ST7L: variants seen among roughly 807,000 people sequenced by gnomAD.
The protein encoded by ST7L is suppressor of tumorigenicity 7 protein-like.
A neutral mutation model predicts 72.5 loss-of-function variants in ST7L; 57 were observed. The ratio of observed to expected loss-of-function variants is 0.79; its 90% CI spans 0.64 to 0.98. The LOEUF is 0.98. ST7L is among the 50% of genes least tolerant of loss of function. The pLI is 0.00. For synonymous variants in ST7L, 221 were observed against 240.9 expected (o/e 0.92, Z 0.77); for missense variants, 576 against 672.2 (o/e 0.86, Z 1.58).
chr1:112,590,688 T>C (rs534784157), intron 6 of ST7L, among the ~76,000 whole-genome samples: 1 of 152,308 alleles, frequency 6.6e-6, no homozygotes, highest in South Asian at 2.1e-4. Flanking sequence ...AAATAGTAAG[T>C]TGCCTTGTGA....
intron 2 of ST7L, among the ~76,000 whole-genome samples, chr1:112,616,546 C>A (rs1181572179): frequency 3.3e-5 from 5 of 152,018 alleles, no homozygotes; most frequent in African/African-American, 4.8e-5. Flanking sequence ...AGTTGGAGAC[C>A]AGCCTGACCA....
intron 9 of ST7L, 103 bp downstream of exon 9, chr1:112,581,889 G>C (rs1664182370): frequency 3.6e-6 from 3 of 836,022 alleles, no homozygotes; most frequent in Non-Finnish European, 5.8e-6. Context: ...ATACTGACTG[G>C]TAAGAACAGA....
At chr1:112,541,839 T>C in intron 14 of ST7L, 112 bp downstream of exon 14, 1 of 1,480,504 alleles carries the variant, frequency 6.8e-7, no homozygotes, top group East Asian at 2.4e-5. Context: ...TCAATTCCTT[T>C]AATTTACAAC....
intron 11 of ST7L, among the ~76,000 whole-genome samples, chr1:112,572,898 T>A (rs564650048): frequency 4.6e-5 from 7 of 152,168 alleles, no homozygotes; most frequent in South Asian, 2.1e-4. Flanking sequence ...TCAAATTAAG[T>A]TGAAGGAAGG....
chr1:112,595,304 G>A (rs1485373505), intron 5 of ST7L, among the ~76,000 whole-genome samples: 1 of 142,738 alleles, frequency 7.0e-6, no homozygotes, highest in Non-Finnish European at 1.5e-5. Flanking sequence ...GGTGGAGGTT[G>A]TGGTGAGCCG....
At chr1:112,538,682 AT>A (rs1252300168) in intron 14 of ST7L, among the ~76,000 whole-genome samples, 7 of 152,138 alleles carry the variant, frequency 4.6e-5, no homozygotes, top group African/African-American at 1.7e-4. Context: ...CCCAATCACC[AT>A]TTATACTACA....
chr1:112,584,504 TG>T (rs959837756), intron 6 of ST7L, among the ~76,000 whole-genome samples: 5 of 152,104 alleles, frequency 3.3e-5, no homozygotes, highest in Non-Finnish European at 7.4e-5. Flanking sequence ...CTTTTTTTTT[TG>T]AGATGGAATT....
At chr1:112,527,218 T>A (rs896539057) in intron 14 of ST7L, 1 of 152,288 alleles carries the variant, frequency 6.6e-6, no homozygotes, top group Non-Finnish European at 1.5e-5. Flanking sequence ...AAGGGAAAAG[T>A]ACAATGTTCA....
chr1:112,534,840 G>A (rs1654927807), intron 14 of ST7L, among the ~76,000 whole-genome samples: 2 of 152,092 alleles, frequency 1.3e-5, no homozygotes, highest in African/African-American at 4.8e-5. Context: ...TGTCCCAAGC[G>A]CTAATGATTA....
intron 14 of ST7L, 73 bp from the exon 15 acceptor site, chr1:112,526,184 A>G: frequency 3.8e-6 from 6 of 1,598,058 alleles, no homozygotes; most frequent in Non-Finnish European, 4.3e-6. Context: ...AGTATATCTG[A>G]GCACAGTTTA....
chr1:112,579,282 G>A (rs1177791869), intron 9 of ST7L, among the ~76,000 whole-genome samples: 1 of 151,528 alleles, frequency 6.6e-6, no homozygotes, highest in Non-Finnish European at 1.5e-5. Context: ...TACTCAGGAG[G>A]CTGAGGCAGG....
chr1:112,535,083 AT>A (rs1366341316), intron 14 of ST7L, among the ~76,000 whole-genome samples: 1 of 152,200 alleles, frequency 6.6e-6, no homozygotes, highest in Non-Finnish European at 1.5e-5. Context: ...GTTAAACGGT[AT>A]ATTGTTGGCT....
rs985408519 is a variant in ST7L, at chr1:112,619,108, C to A, written c.6G>T (p.Ala2=). ...CGGCTTCACCCACGCCGCCACGGTCCGCCATCTTGCCGCTATCGCAGGCGC... is the reference window on the plus strand; with the variant it reads ...CGGCTTCACCCACGCCGCCACGGTCAGCCATCTTGCCGCTATCGCAGGCGC... M[A]DRGGVGEAAA... The change falls in exon 1 of 15, where the codon GCG becomes GCT. Residue 2 remains alanine (A), a synonymous_variant. Coordinates refer to ENST00000358039, the MANE Select transcript of ST7L (RefSeq NM_017744.5). 6.2e-7 allele frequency: 1 copy of A among 1,613,400 alleles called. No homozygotes were observed. The highest frequency in any genetic ancestry group is 8.5e-7 in the Non-Finnish European group (1 of 1,179,866).
intron 7 of ST7L, among the ~76,000 whole-genome samples, chr1:112,582,959 G>C (rs773947882): frequency 3.9e-5 from 6 of 152,068 alleles, no homozygotes; most frequent in Non-Finnish European, 7.4e-5. Flanking sequence ...GTGAGTAGTT[G>C]ACAAACTATA....
At chr1:112,594,457 G>T (rs956116404) in intron 5 of ST7L, among the ~76,000 whole-genome samples, 6 of 152,302 alleles carry the variant, frequency 3.9e-5, no homozygotes, top group African/African-American at 1.2e-4. Context: ...AGAAGGGAAT[G>T]ATAACAATTT....
intron 9 of ST7L, among the ~76,000 whole-genome samples, chr1:112,580,589 C>A (rs1360731015): frequency 6.6e-6 from 1 of 152,158 alleles, no homozygotes; most frequent in Non-Finnish European, 1.5e-5. Flanking sequence ...TTAAAATTCT[C>A]CAAACTTCAT....
chr1:112,539,822 G>A (rs1375959520), intron 14 of ST7L: 37 of 985,204 alleles, frequency 3.8e-5, no homozygotes, highest in Non-Finnish European at 4.2e-5. Context: ...GTTTTAAAAT[G>A]TACATGTAAA....
intron 11 of ST7L, among the ~76,000 whole-genome samples, chr1:112,559,405 T>G (rs1245129994): frequency 2.6e-5 from 4 of 152,028 alleles, no homozygotes; most frequent in Non-Finnish European, 4.4e-5. Context: ...GGCTAATTTT[T>G]GTATTTTTAG....
chr1:112,610,876 T>C lies in ST7L; in HGVS notation c.416A>G (p.Asn139Ser), dbSNP rs1226814377. 4 of 1,614,196 alleles carry C rather than the reference T, an allele frequency of 2.5e-6. No individual in the cohort carries two copies. The highest frequency in any genetic ancestry group is 4.5e-5 in the East Asian group (2 of 44,890). ...CTGTCTGCTGGTTTCATTTTCTCTG[T>C]TCCTCGAAGGAGAACCTGGTTCTGA... is the stretch of plus-strand genomic sequence containing the variant. ...SISEPGSPSR[N>S]RENETSRQNL... The change falls in exon 3 of 15, where the codon AAC becomes AGC. Residue 139 changes from asparagine to serine, a missense_variant. Around this residue, in one of 3 missense-constraint regions of ST7L, gnomAD observed 511 missense variants for 600.7 expected, o/e 0.85. Coordinates refer to ENST00000358039, the MANE Select transcript of ST7L (RefSeq NM_017744.5).
Sources: allele counts gnomAD v4.1 joint callset (sites outside exome capture counted in the v4.1 genomes callset), GRCh38; gene constraint gnomAD v4.1.1; regional missense constraint gnomAD v4.1.1; transcripts MANE v1.5; gene names NCBI Gene and HGNC (gene_info 2026-07-23, HGNC 2026-07-21).